The following VIT variants were observed in gnomAD, a reference collection of about 807,000 sequenced individuals.
The protein encoded by VIT is vitrin.
Under a neutral mutation model 78.0 loss-of-function variants are expected in VIT, and 99 were observed. That is an observed-to-expected ratio of 1.27 (90% confidence interval 1.08 to 1.50). The LOEUF (loss-of-function observed/expected upper bound fraction) is 1.50, where lower values mean the gene tolerates loss of function less well. Ranked by LOEUF, VIT falls within the 40% of genes most tolerant of loss-of-function variation. The probability of loss-of-function intolerance (pLI) is 0.00; values close to 1 mark genes in which losing one functional copy is unlikely to be tolerated. For synonymous variants in VIT, 374 were observed against 334.3 expected, an observed-to-expected ratio of 1.12 and a Z score of -1.29; for missense variants, 1,126 against 875.3, an observed-to-expected ratio of 1.29 and a Z score of -3.61.
chr2:36,725,883 C>T (rs992162994), intron 2 of VIT, among the ~76,000 whole-genome samples: 4 of 151,978 alleles, frequency 2.6e-5, no homozygotes, highest in Non-Finnish European at 4.4e-5. Flanking sequence ...ACCAGCCTGG[C>T]CAACATGGTG....
At chr2:36,701,645 G>A (rs1025215949) in intron 1 of VIT, among the ~76,000 whole-genome samples, 4 of 152,090 alleles carry the variant, frequency 2.6e-5, no homozygotes, top group East Asian at 1.9e-4. Context: ...CTATGCCCTC[G>A]GGGGAACCTT....
intron 6 of VIT, among the ~76,000 whole-genome samples, chr2:36,765,425 G>GAGAGAC (rs200742628): frequency 2.0e-5 from 3 of 148,718 alleles, no homozygotes; most frequent in East Asian, 4.2e-4. Flanking sequence ...GAGAGAGAGA[G>GAGAGAC]AGAGAGAGAA....
chr2:36,705,954 T>C (rs1665391968), intron 1 of VIT, among the ~76,000 whole-genome samples: 1 of 152,164 alleles, frequency 6.6e-6, no homozygotes, highest in Non-Finnish European at 1.5e-5. Context: ...CCCTCTCTTG[T>C]CAAAGTTGCG....
chr2:36,759,332 C>G, intron 6 of VIT: 2 of 1,428,516 alleles, frequency 1.4e-6, no homozygotes, highest in Non-Finnish European at 1.8e-6. Context: ...TGTATTGTTG[C>G]TTTAGAAAAT....
intron 1 of VIT, among the ~76,000 whole-genome samples, chr2:36,699,516 T>TTTTATATATATA (rs10661448): frequency 0.017 from 2,502 of 148,918 alleles, 38 homozygotes; most frequent in Non-Finnish European, 0.023. Context: ...TTAGAGGGGG[T>TTTTATATATATA]TATATATATA....
intron 6 of VIT, among the ~76,000 whole-genome samples, chr2:36,763,327 G>A (rs1669232005): frequency 1.3e-5 from 2 of 152,126 alleles, no homozygotes; most frequent in Non-Finnish European, 2.9e-5. Context: ...GAGCTCTTCC[G>A]ACCACACCCA....
intron 2 of VIT, among the ~76,000 whole-genome samples, chr2:36,726,410 C>T (rs1414480161): frequency 6.6e-6 from 1 of 152,178 alleles, no homozygotes; most frequent in Admixed American, 6.5e-5. Flanking sequence ...TACCTGTATA[C>T]ATATAGAAAA....
chr2:36,793,504 G>C (rs1409660129), intron 12 of VIT, among the ~76,000 whole-genome samples: 1 of 152,176 alleles, frequency 6.6e-6, no homozygotes, highest in East Asian at 1.9e-4. Context: ...TGAAGGGATG[G>C]GAGCAGAATG....
intron 4 of VIT, among the ~76,000 whole-genome samples, chr2:36,750,154 T>C (rs1258143423): frequency 6.6e-6 from 1 of 152,244 alleles, no homozygotes; most frequent in Non-Finnish European, 1.5e-5. Context: ...TGCTATTTCA[T>C]AACTTCAGAC....
At chr2:36,735,641 T>G (rs1033156635) in intron 3 of VIT, among the ~76,000 whole-genome samples, 2 of 152,224 alleles carry the variant, frequency 1.3e-5, no homozygotes, top group Non-Finnish European at 2.9e-5. Context: ...CACCCCAAGG[T>G]GCATCACACC....
chr2:36,710,333 T>A (rs893400957), intron 1 of VIT, among the ~76,000 whole-genome samples: 1 of 152,220 alleles, frequency 6.6e-6, no homozygotes, highest in African/African-American at 2.4e-5. Flanking sequence ...TACCCAGTTC[T>A]CTTTCCCTGA....
At chr2:36,813,381 G>A (rs909100109) in intron 15 of VIT, among the ~76,000 whole-genome samples, 1 of 152,064 alleles carries the variant, frequency 6.6e-6, no homozygotes, top group African/African-American at 2.4e-5. Flanking sequence ...CCTGGGAAGC[G>A]GAGGTTGCAG....
intron 6 of VIT, among the ~76,000 whole-genome samples, chr2:36,765,896 T>C (rs754284136): frequency 2.0e-5 from 3 of 152,248 alleles, no homozygotes; most frequent in Non-Finnish European, 4.4e-5. Flanking sequence ...TTGTGGTAGT[T>C]TGTTACAGCA....
intron 6 of VIT, among the ~76,000 whole-genome samples, chr2:36,764,155 G>A (rs970338106): frequency 7.9e-5 from 12 of 152,180 alleles, no homozygotes; most frequent in African/African-American, 2.4e-4. Flanking sequence ...GTTTTAGGTG[G>A]CAAAAAGTGT....
intron 9 of VIT, among the ~76,000 whole-genome samples, chr2:36,779,837 A>C (rs1275483186): frequency 1.3e-5 from 2 of 152,212 alleles, no homozygotes; most frequent in Non-Finnish European, 2.9e-5. Context: ...TCTCAGAGTG[A>C]TTTTATACAC....
chr2:36,812,935 A>C (rs1168272685), intron 15 of VIT, among the ~76,000 whole-genome samples: 4 of 134,106 alleles, frequency 3.0e-5, no homozygotes, highest in Non-Finnish European at 6.1e-5. Flanking sequence ...ATCTCGGCTC[A>C]CTGCAACCTT....
At chr2:36,728,350 A>C (rs1032210186) in intron 2 of VIT, among the ~76,000 whole-genome samples, 5 of 152,308 alleles carry the variant, frequency 3.3e-5, no homozygotes, top group Non-Finnish European at 7.4e-5. Context: ...AATCTCAAAA[A>C]TAGAAAAAAG....
intron 6 of VIT, among the ~76,000 whole-genome samples, chr2:36,766,242 A>G (rs1229054660): frequency 6.6e-6 from 1 of 152,208 alleles, no homozygotes; most frequent in Non-Finnish European, 1.5e-5. Flanking sequence ...TAGAAGTCGA[A>G]TCTAGGCCGA....
intron 3 of VIT, among the ~76,000 whole-genome samples, chr2:36,734,438 G>A (rs1336730268): frequency 6.6e-6 from 1 of 152,146 alleles, no homozygotes; most frequent in East Asian, 1.9e-4. Context: ...CTAGACTCTT[G>A]AGGATCTAGT....
Sources: gnomAD v4.1 joint callset for allele counts (sites outside exome capture counted in the v4.1 genomes callset) on GRCh38, gnomAD v4.1.1 for gene constraint, MANE v1.5 for transcripts, NCBI Gene and HGNC (gene_info 2026-07-23, HGNC 2026-07-21) for gene names.